The following UNC13C variants were observed in gnomAD, a reference collection of about 807,000 sequenced individuals.
UNC13C encodes unc-13 homolog C.
UNC13C carries 174 observed loss-of-function variants against 245.4 expected under a neutral mutation model. The observed-to-expected ratio is 0.71, with a 90% CI of 0.63 to 0.80. The LOEUF (loss-of-function observed/expected upper bound fraction) is 0.80. Ranked by LOEUF, UNC13C falls within the 30% of genes least tolerant of loss-of-function variation. The probability of loss-of-function intolerance (pLI) is 0.00; values close to 1 mark genes in which losing one functional copy is unlikely to be tolerated. For synonymous variants in UNC13C, 992 were observed against 895.1 expected (o/e 1.11, Z -1.93); for missense variants, 2,829 against 2,602.9 (o/e 1.09, Z -1.89).
Position 54,628,401 on chromosome 15 carries a change from A to T in UNC13C, c.*1288A>T, listed in dbSNP as rs975165785. 10 of 124,770 alleles carry T rather than the reference A, an allele frequency of 8.0e-5. No homozygotes were observed. Among genetic ancestry groups the T allele is most frequent in the African/African-American group, 2.2e-4 (9 of 40,808 alleles). The allele number at this position is 124,770 out of a possible 1,614,324, so 7.7% of individuals were successfully genotyped here. A position where few individuals can be genotyped will look rare whatever the true frequency, so the allele number is the denominator to read the frequency against. ...ATGATTGTGCTTTGTGAACAAGCTGATCTAATACGTTAAGTACAGAAGTGC... is the reference window on the plus strand; with the variant it reads ...ATGATTGTGCTTTGTGAACAAGCTGTTCTAATACGTTAAGTACAGAAGTGC... On this transcript the variant is annotated 3_prime_UTR_variant, in exon 33 of 33. Transcript: ENST00000260323.
At chr15:54,438,738 C>T (rs1890360717) in intron 19 of UNC13C, among the ~76,000 whole-genome samples, 1 of 151,888 alleles carries the variant, frequency 6.6e-6, no homozygotes, top group South Asian at 2.1e-4. Flanking sequence ...ATCCCACCAG[C>T]ACATCAAGAA....
chr15:54,025,486 G>A (rs1005167228), intron 2 of UNC13C, among the ~76,000 whole-genome samples: 1 of 152,146 alleles, frequency 6.6e-6, no homozygotes, highest in Non-Finnish European at 1.5e-5. Flanking sequence ...TTATGGATGT[G>A]AAACAGAAAT....
intron 1 of UNC13C, among the ~76,000 whole-genome samples, chr15:53,990,570 A>C (rs1894340682): frequency 6.6e-6 from 1 of 151,980 alleles, no homozygotes; most frequent in Non-Finnish European, 1.5e-5. Context: ...AGATGCACAG[A>C]TCTTTCCTAT....
At chr15:53,981,688 C>A (rs891763459) in intron 1 of UNC13C, among the ~76,000 whole-genome samples, 1 of 152,042 alleles carries the variant, frequency 6.6e-6, no homozygotes, top group Non-Finnish European at 1.5e-5. Flanking sequence ...GACTGATCAC[C>A]GGTTCTATAA....
At chr15:53,930,202 A>G in the UNC13C span, among the ~76,000 whole-genome samples, 4 of 152,134 alleles carry the variant, frequency 2.6e-5, no homozygotes, top group African/African-American at 9.7e-5. Flanking sequence ...GTTTCTTCAC[A>G]TGGCCCCTTT....
intron 17 of UNC13C, among the ~76,000 whole-genome samples, chr15:54,356,747 T>C (rs1391115819): frequency 6.6e-6 from 1 of 152,208 alleles, no homozygotes; most frequent in East Asian, 1.9e-4. Flanking sequence ...AACATATGAT[T>C]TTTTGTGGGA....
intron 4 of UNC13C, among the ~76,000 whole-genome samples, chr15:54,221,236 T>C (rs964253123): frequency 1.3e-5 from 2 of 151,958 alleles, no homozygotes; most frequent in African/African-American, 2.4e-5. Flanking sequence ...AATTTAATTA[T>C]TTTTTTCACA....
At chr15:54,177,885 C>A (rs1483044930) in intron 4 of UNC13C, among the ~76,000 whole-genome samples, 4 of 152,034 alleles carry the variant, frequency 2.6e-5, no homozygotes, top group Admixed American at 6.6e-5. Flanking sequence ...TGTATGTAGG[C>A]AGTATTATTA....
At chr15:54,010,426 G>A (rs1345288422) in intron 1 of UNC13C, among the ~76,000 whole-genome samples, 1 of 152,030 alleles carries the variant, frequency 6.6e-6, no homozygotes, top group Non-Finnish European at 1.5e-5. Flanking sequence ...ATCCTTGGCT[G>A]GGTCTCAAAT....
At chr15:54,417,899 A>C (rs1596346997) in intron 19 of UNC13C, among the ~76,000 whole-genome samples, 1 of 151,954 alleles carries the variant, frequency 6.6e-6, no homozygotes, top group Non-Finnish European at 1.5e-5. Flanking sequence ...TACATTGTTA[A>C]AATTTCCTAT....
At chr15:54,351,377 TA>T (rs2038979157) in intron 17 of UNC13C, among the ~76,000 whole-genome samples, 1 of 152,174 alleles carries the variant, frequency 6.6e-6, no homozygotes, top group South Asian at 2.1e-4. Context: ...TTTTTCTTTT[TA>T]GTAAGTATCT....
chr15:54,341,439 G>A (rs527509578), intron 17 of UNC13C, among the ~76,000 whole-genome samples: 56 of 152,254 alleles, frequency 3.7e-4, no homozygotes, highest in Admixed American at 3.1e-3. Context: ...TACTGGCAAT[G>A]GGAGAGGGCT....
intron 30 of UNC13C, among the ~76,000 whole-genome samples, chr15:54,571,082 C>T (rs936877365): frequency 6.6e-6 from 1 of 152,144 alleles, no homozygotes; most frequent in Non-Finnish European, 1.5e-5. Context: ...TATCCTGTAC[C>T]TGTTTTATTC....
chr15:54,622,535 G>A (rs1900861231), intron 31 of UNC13C, 116 bp downstream of exon 31: 4 of 744,156 alleles, frequency 5.4e-6, no homozygotes, highest in Non-Finnish European at 8.5e-6. Flanking sequence ...TTTAGGGCAT[G>A]CACAAAATTT....
intron 10 of UNC13C, among the ~76,000 whole-genome samples, chr15:54,267,948 C>CT (rs769353964): frequency 1.3e-5 from 2 of 150,724 alleles, no homozygotes; most frequent in African/African-American, 2.4e-5. Flanking sequence ...TTCTTTCTTT[C>CT]TTTTTTTTTA....
the UNC13C span, among the ~76,000 whole-genome samples, chr15:53,878,679 TAAAA>T: frequency 6.6e-6 from 1 of 150,770 alleles, no homozygotes. Context: ...AAGCTATCCT[TAAAA>T]AAAAAGAAAA....
chr15:54,031,141 T>G (rs960773569), intron 2 of UNC13C, among the ~76,000 whole-genome samples: 13 of 152,272 alleles, frequency 8.5e-5, no homozygotes, highest in African/African-American at 2.2e-4. Flanking sequence ...TGATTTTCAG[T>G]TGATAAGCTG....
At chr15:54,498,037 G>T (rs1348400008) in intron 20 of UNC13C, among the ~76,000 whole-genome samples, 1 of 152,040 alleles carries the variant, frequency 6.6e-6, no homozygotes, top group Non-Finnish European at 1.5e-5. Context: ...GCAATGAATT[G>T]AAAAACCAGA....
At chr15:54,126,022 A>G (rs1279868734) in intron 2 of UNC13C, among the ~76,000 whole-genome samples, 1 of 152,224 alleles carries the variant, frequency 6.6e-6, no homozygotes, top group African/African-American at 2.4e-5. Context: ...TCTAAAAACT[A>G]AAAAATGTTC....
Sources: allele counts gnomAD v4.1 joint callset (sites outside exome capture counted in the v4.1 genomes callset), GRCh38; gene constraint gnomAD v4.1.1; transcripts MANE v1.5; gene names NCBI Gene and HGNC (gene_info 2026-07-23, HGNC 2026-07-21).